PLXDC2: variants seen among roughly 807,000 people sequenced by gnomAD.
PLXDC2 encodes plexin domain containing 2, also known as plexin domain-containing protein 2.
Under a neutral mutation model 68.9 loss-of-function variants are expected in PLXDC2, and 40 were observed. The observed-to-expected ratio is 0.58, with a 90% confidence interval of 0.45 to 0.76. The LOEUF is 0.76. PLXDC2 is among the 30% of genes least tolerant of loss of function. The pLI is 0.00. For synonymous variants in PLXDC2, 243 were observed against 234.2 expected (o/e 1.04, Z -0.34); for missense variants, 644 against 661.9 (o/e 0.97, Z 0.30).
At chr10:20,044,705 C>A (rs1013531639) in intron 2 of PLXDC2, among the ~76,000 whole-genome samples, 1 of 152,222 alleles carries the variant, frequency 6.6e-6, no homozygotes, top group South Asian at 2.1e-4. Flanking sequence ...CTCACACCCC[C>A]ACATCTCCAC....
At chr10:20,094,884 AT>A (rs1034391896) in intron 4 of PLXDC2, among the ~76,000 whole-genome samples, 97 of 152,180 alleles carry the variant, frequency 6.4e-4, no homozygotes, top group African/African-American at 2.2e-3. Context: ...ACTGCTGCTA[AT>A]TTATTTCTTC....
At chr10:20,081,338 GA>G (rs1404913285) in intron 4 of PLXDC2, among the ~76,000 whole-genome samples, 1 of 152,020 alleles carries the variant, frequency 6.6e-6, no homozygotes, top group Non-Finnish European at 1.5e-5. Context: ...ACCCTTAAGA[GA>G]GTCACAGCCT....
intron 1 of PLXDC2, among the ~76,000 whole-genome samples, chr10:19,932,386 G>A (rs1833652915): frequency 6.6e-6 from 1 of 151,898 alleles, no homozygotes; most frequent in South Asian, 2.1e-4. Context: ...CTATATACCA[G>A]GACCATTCAG....
intron 2 of PLXDC2, among the ~76,000 whole-genome samples, chr10:20,020,818 C>A (rs1002510302): frequency 1.3e-5 from 2 of 151,914 alleles, no homozygotes; most frequent in Non-Finnish European, 2.9e-5. Flanking sequence ...TTTCCTTATA[C>A]CCAAGATAAT....
At chr10:20,000,606 A>G (rs1834918759) in intron 1 of PLXDC2, among the ~76,000 whole-genome samples, 1 of 152,322 alleles carries the variant, frequency 6.6e-6, no homozygotes, top group South Asian at 2.1e-4. Flanking sequence ...TCTGTCTAGA[A>G]GAATTACTAG....
intron 13 of PLXDC2, among the ~76,000 whole-genome samples, chr10:20,259,040 T>C (rs1588548517): frequency 6.7e-6 from 1 of 149,614 alleles, no homozygotes; most frequent in Non-Finnish European, 1.5e-5. Context: ...AAGGAAAGGA[T>C]GGAAAACTTC....
chr10:19,883,169 A>G (rs113814569), intron 1 of PLXDC2, among the ~76,000 whole-genome samples: 9 of 151,926 alleles, frequency 5.9e-5, no homozygotes, highest in South Asian at 4.1e-4. Flanking sequence ...TCACTGTGTT[A>G]GCCAGGATGG....
chr10:19,963,256 T>C (rs1328740801), intron 1 of PLXDC2, among the ~76,000 whole-genome samples: 1 of 152,198 alleles, frequency 6.6e-6, no homozygotes, highest in African/African-American at 2.4e-5. Flanking sequence ...TCCATTACTT[T>C]TATTTTCATC....
chr10:19,970,894 TAAACA>T (rs1030629786), intron 1 of PLXDC2, among the ~76,000 whole-genome samples: 2 of 152,144 alleles, frequency 1.3e-5, no homozygotes, highest in African/African-American at 4.8e-5. Context: ...AAATCTAGAC[TAAACA>T]TGTTCTTCCG....
intron 1 of PLXDC2, among the ~76,000 whole-genome samples, chr10:19,867,149 T>C (rs1333531956): frequency 1.4e-5 from 2 of 148,020 alleles, no homozygotes; most frequent in Non-Finnish European, 3.0e-5. Flanking sequence ...CACTGCAATA[T>C]CCACCTCCTG....
chr10:20,191,321 T>C (rs1349584213), intron 9 of PLXDC2, among the ~76,000 whole-genome samples: 2 of 151,942 alleles, frequency 1.3e-5, no homozygotes, highest in African/African-American at 4.8e-5. Context: ...TACCCTCAGT[T>C]CTTGAATTTT....
At chr10:20,105,194 A>T (rs1833476018) in intron 4 of PLXDC2, among the ~76,000 whole-genome samples, 1 of 152,132 alleles carries the variant, frequency 6.6e-6, no homozygotes, top group Admixed American at 6.5e-5. Context: ...TTTTATTGGC[A>T]TATGGTGAAA....
At chr10:19,923,048 C>T (rs1230487773) in intron 1 of PLXDC2, among the ~76,000 whole-genome samples, 3 of 151,736 alleles carry the variant, frequency 2.0e-5, no homozygotes, top group Non-Finnish European at 4.4e-5. Context: ...TGCTATTTGG[C>T]CAAGATTGGC....
intron 1 of PLXDC2, among the ~76,000 whole-genome samples, chr10:19,995,792 A>G (rs1257793750): frequency 6.6e-6 from 1 of 152,216 alleles, no homozygotes; most frequent in African/African-American, 2.4e-5. Flanking sequence ...AGAAAACTCA[A>G]TTAGCTCTAC....
intron 1 of PLXDC2, among the ~76,000 whole-genome samples, chr10:19,990,272 C>T (rs1288873315): frequency 6.6e-6 from 1 of 152,102 alleles, no homozygotes; most frequent in Non-Finnish European, 1.5e-5. Context: ...AAAATCCTGG[C>T]AAGAATTTGT....
chr10:20,245,224 A>G, intron 12 of PLXDC2, 121 bp from the exon 13 acceptor site: 1 of 1,075,730 alleles, frequency 9.3e-7, no homozygotes, highest in Non-Finnish European at 1.3e-6. Flanking sequence ...TGTTGCAGAA[A>G]AGTTGTCCAG....
At chr10:19,847,543 G>C (rs1032303454) in intron 1 of PLXDC2, among the ~76,000 whole-genome samples, 1 of 152,176 alleles carries the variant, frequency 6.6e-6, no homozygotes, top group Non-Finnish European at 1.5e-5. Context: ...AGTCAGATTT[G>C]CTAAGTCACA....
intron 4 of PLXDC2, among the ~76,000 whole-genome samples, chr10:20,121,998 T>C (rs185872407): frequency 2.4e-4 from 37 of 152,066 alleles, no homozygotes; most frequent in African/African-American, 8.9e-4. Context: ...AGGTATCTTA[T>C]ACTTGTGGGT....
intron 1 of PLXDC2, among the ~76,000 whole-genome samples, chr10:19,824,987 C>T (rs893984391): frequency 1.3e-5 from 2 of 152,110 alleles, no homozygotes; most frequent in African/African-American, 4.8e-5. Context: ...GATATCCAGA[C>T]TTTTAAATCT....
Sources: allele counts gnomAD v4.1 joint callset (sites outside exome capture counted in the v4.1 genomes callset), GRCh38; gene constraint gnomAD v4.1.1; transcripts MANE v1.5; gene names NCBI Gene and HGNC (gene_info 2026-07-23, HGNC 2026-07-21).